The following MARCHF1 variants were observed in gnomAD, a reference collection of about 807,000 sequenced individuals.
MARCHF1 encodes the protein E3 ubiquitin-protein ligase MARCHF1.
In MARCHF1, 40 loss-of-function variants were observed where a neutral mutation model predicts 54.2. The observed-to-expected ratio is 0.74, with a 90% CI of 0.57 to 0.96. The LOEUF (loss-of-function observed/expected upper bound fraction) is 0.96, where lower values mean the gene tolerates loss of function less well. MARCHF1 is among the 40% of genes least tolerant of loss of function. The probability of loss-of-function intolerance (pLI) is 0.00; values close to 1 mark genes in which losing one functional copy is unlikely to be tolerated. For missense variants in MARCHF1, 586 were observed against 656.5 expected (o/e 0.89, Z 1.17); for synonymous variants, 236 against 236.3 (o/e 1.00, Z 0.01).
At chr4:163,781,225 G>A (rs570655451) in intron 4 of MARCHF1, among the ~76,000 whole-genome samples, 3 of 152,190 alleles carry the variant, frequency 2.0e-5, no homozygotes, top group South Asian at 4.2e-4. Context: ...GTGGCAGATG[G>A]CTGTAATCCC....
chr4:163,730,190 T>G (rs76904861), intron 4 of MARCHF1, among the ~76,000 whole-genome samples: 1,793 of 152,242 alleles, frequency 0.012, 23 homozygotes, highest in Non-Finnish European at 0.018. Context: ...CTCTAGTAAT[T>G]TTTTCGTTTT....
At chr4:163,751,566 C>T (rs1160405951) in intron 4 of MARCHF1, among the ~76,000 whole-genome samples, 3 of 142,922 alleles carry the variant, frequency 2.1e-5, no homozygotes, top group African/African-American at 7.4e-5. Context: ...TGTAATAAAA[C>T]ACAATTTTAT....
intron 1 of MARCHF1, among the ~76,000 whole-genome samples, chr4:164,207,753 T>C (rs1288451534): frequency 6.6e-6 from 1 of 152,064 alleles, no homozygotes; most frequent in Non-Finnish European, 1.5e-5. Flanking sequence ...GGACCAGGTA[T>C]GGGAGCTAAA....
chr4:163,628,097 TA>T (rs542110933), intron 5 of MARCHF1, among the ~76,000 whole-genome samples: 1 of 151,910 alleles, frequency 6.6e-6, no homozygotes, highest in East Asian at 1.9e-4. Context: ...ATATAAAAAT[TA>T]AAAAAATTGT....
chr4:163,873,670 C>T (rs1391187570), intron 3 of MARCHF1, among the ~76,000 whole-genome samples: 1 of 152,146 alleles, frequency 6.6e-6, no homozygotes. Context: ...AAACTAAGAT[C>T]AGTGAGAGAC....
intron 4 of MARCHF1, among the ~76,000 whole-genome samples, chr4:163,754,527 C>T (rs533099917): frequency 2.0e-5 from 3 of 152,218 alleles, no homozygotes; most frequent in South Asian, 4.1e-4. Flanking sequence ...ATATGACCTC[C>T]GTAATAATGA....
At chr4:163,826,613 T>C (rs1246665370) in intron 4 of MARCHF1, among the ~76,000 whole-genome samples, 1 of 152,044 alleles carries the variant, frequency 6.6e-6, no homozygotes, top group Non-Finnish European at 1.5e-5. Flanking sequence ...CAACATACAC[T>C]GTACTTCATA....
chr4:164,255,426 AAAG>A (rs1302034049), intron 1 of MARCHF1, among the ~76,000 whole-genome samples: 1 of 151,736 alleles, frequency 6.6e-6, no homozygotes, highest in East Asian at 1.9e-4. Context: ...AACAAAAAAA[AAAG>A]TAGAAAAGAA....
chr4:163,539,051 G>C lies in MARCHF1; in HGVS notation c.1339+6545C>G, dbSNP rs531708007. ...TTTATTTATTTTGAGACAGAGTCTTGCTTCTGTCACCCAAGCTGGAGTGCA... is the reference window on the plus strand; with the variant it reads ...TTTATTTATTTTGAGACAGAGTCTTCCTTCTGTCACCCAAGCTGGAGTGCA... On this transcript the variant is annotated intron_variant, in intron 9 of 9. Transcript: ENST00000514618. Among the ~76,000 whole-genome samples, 10 of 149,582 alleles carry C rather than the reference G, an allele frequency of 6.7e-5. No individual in the cohort carries two copies. In the East Asian group the frequency reaches 1.2e-3, roughly 17 times the overall value.
intron 5 of MARCHF1, 187 bp from the exon 6 acceptor site, chr4:163,613,580 C>G (rs1741422626): frequency 1.3e-6 from 2 of 1,493,536 alleles, no homozygotes; most frequent in East Asian, 2.4e-5. Context: ...TTTGAGGAAC[C>G]TGGAACAGCT....
chr4:163,850,605 C>T (rs2111161095), intron 4 of MARCHF1, among the ~76,000 whole-genome samples: 1 of 152,284 alleles, frequency 6.6e-6, no homozygotes, highest in East Asian at 1.9e-4. Flanking sequence ...TAGCAAAAAT[C>T]TAAAATATAC....
At chr4:164,094,629 T>C (rs1453921786) in intron 2 of MARCHF1, among the ~76,000 whole-genome samples, 1 of 152,122 alleles carries the variant, frequency 6.6e-6, no homozygotes, top group Non-Finnish European at 1.5e-5. Flanking sequence ...GATTGTAATA[T>C]AAAAACCTGA....
chr4:164,315,070 G>A (rs1027079339), intron 1 of MARCHF1, among the ~76,000 whole-genome samples: 2 of 152,012 alleles, frequency 1.3e-5, no homozygotes, highest in Non-Finnish European at 2.9e-5. Flanking sequence ...CTGGAGTATG[G>A]CAGAATACTA....
Position 163,612,128 on chromosome 4 carries a change from C to G in MARCHF1, c.1010+143G>C, listed in dbSNP as rs993209425. 9.7e-6 allele frequency: 7 copies of G among 721,762 alleles called. No homozygotes were observed. The Admixed American group carries it at 2.5e-4, about 26-fold the overall frequency. 44.7% of individuals were successfully genotyped at this position (721,762 alleles called of 1,614,324 possible). A position where few individuals can be genotyped will look rare whatever the true frequency, so the allele number is the denominator to read the frequency against. On this transcript the variant is annotated intron_variant, in intron 7 of 9. Coordinates refer to ENST00000514618, the MANE Select transcript of MARCHF1 (RefSeq NM_001394959.1). ...ATCTGCATTATTCTTTTCATACCCA[C>G]CTTTTCTCCTTTTATATCCAATCAG...
intron 3 of MARCHF1, among the ~76,000 whole-genome samples, chr4:163,859,661 G>A (rs971972155): frequency 7.9e-5 from 12 of 151,960 alleles, no homozygotes; most frequent in Non-Finnish European, 1.5e-4. Flanking sequence ...GTGCCCGGGC[G>A]AGAAAAGCTT....
intron 4 of MARCHF1, among the ~76,000 whole-genome samples, chr4:163,751,271 A>C (rs1021864170): frequency 1.3e-5 from 2 of 152,066 alleles, no homozygotes; most frequent in Admixed American, 1.3e-4. Flanking sequence ...GGCCTCAAGC[A>C]AATCTCCTGC....
At chr4:163,937,949 C>A (rs1024497740) in intron 3 of MARCHF1, among the ~76,000 whole-genome samples, 2 of 152,072 alleles carry the variant, frequency 1.3e-5, no homozygotes, top group Admixed American at 6.6e-5. Flanking sequence ...TATATCTTGG[C>A]TCTAGGGCAC....
intron 1 of MARCHF1, among the ~76,000 whole-genome samples, chr4:164,311,716 T>C (rs888596544): frequency 8.5e-5 from 13 of 152,202 alleles, no homozygotes; most frequent in Admixed American, 7.9e-4. Context: ...GAAAGCCCAT[T>C]AAATTATTCT....
intron 1 of MARCHF1, among the ~76,000 whole-genome samples, chr4:164,233,289 C>A (rs1732464786): frequency 6.6e-6 from 1 of 151,948 alleles, no homozygotes; most frequent in African/African-American, 2.4e-5. Context: ...GATAATCAGA[C>A]CCTGGTCTTA....
Sources: gnomAD v4.1 joint callset for allele counts (sites outside exome capture counted in the v4.1 genomes callset) on GRCh38, gnomAD v4.1.1 for gene constraint, MANE v1.5 for transcripts, NCBI Gene and HGNC (gene_info 2026-07-23, HGNC 2026-07-21) for gene names.